The following CADM2 variants were observed in gnomAD, a reference collection of about 807,000 sequenced individuals.
CADM2 encodes the protein cell adhesion molecule 2.
In CADM2, 12 loss-of-function variants were observed where a neutral mutation model predicts 49.8. The ratio of observed to expected loss-of-function variants is 0.24; its 90% CI spans 0.15 to 0.39. The LOEUF (loss-of-function observed/expected upper bound fraction) is 0.39, where lower values mean the gene tolerates loss of function less well. Ranked by LOEUF, CADM2 falls within the 10% of genes least tolerant of loss-of-function variation. The probability of loss-of-function intolerance (pLI) is 1.00; values close to 1 mark genes in which losing one functional copy is unlikely to be tolerated. For synonymous variants in CADM2, 214 were observed against 175.4 expected, an observed-to-expected ratio of 1.22 and a Z score of -1.74; for missense variants, 378 against 492.3, an observed-to-expected ratio of 0.77 and a Z score of 2.20.
At chr3:85,095,316 C>A (rs911634955) in intron 1 of CADM2, among the ~76,000 whole-genome samples, 3 of 152,082 alleles carry the variant, frequency 2.0e-5, no homozygotes, top group African/African-American at 7.2e-5. Flanking sequence ...TGGGACTTCT[C>A]AAGTATGTAT....
rs553352369 is a variant in CADM2, at chr3:85,622,130, T to C, written c.62-104392T>C. Among the ~76,000 whole-genome samples, 7 of 152,338 alleles carry C rather than the reference T, an allele frequency of 4.6e-5. No individual in the cohort carries two copies. The South Asian group carries it at 1.4e-3, about 32-fold the overall frequency. ...TTACATATGGATGGAAACTATAGAT[T>C]CTTACAAATACATTGTACAGATAGA... On this transcript the variant is annotated intron_variant, in intron 1 of 9. Transcript: ENST00000383699.
At chr3:85,065,376 T>A (rs1338077299) in intron 1 of CADM2, among the ~76,000 whole-genome samples, 1 of 152,088 alleles carries the variant, frequency 6.6e-6, no homozygotes, top group Non-Finnish European at 1.5e-5. Context: ...AATTACCACT[T>A]GATAATTTAG....
intron 1 of CADM2, among the ~76,000 whole-genome samples, chr3:85,139,462 G>T (rs1412415542): frequency 6.6e-6 from 1 of 151,910 alleles, no homozygotes; most frequent in African/African-American, 2.4e-5. Context: ...GCATTATCTA[G>T]TTGGCTATGC....
chr3:85,148,214 C>T (rs138734857), intron 1 of CADM2, among the ~76,000 whole-genome samples: 140 of 152,184 alleles, frequency 9.2e-4, no homozygotes, highest in Admixed American at 3.1e-3. Flanking sequence ...GCAGCTGAGC[C>T]CTCTCCAAAT....
At chr3:85,713,207 C>T (rs1484870349) in intron 1 of CADM2, among the ~76,000 whole-genome samples, 3 of 152,168 alleles carry the variant, frequency 2.0e-5, no homozygotes, top group Non-Finnish European at 2.9e-5. Context: ...AAGCCATTCT[C>T]CTGCCTCAGC....
rs951115352 is a variant in CADM2 at position 85,541,798 on chromosome 3, T to C, written c.62-184724T>C. Among the ~76,000 whole-genome samples the C allele has an allele frequency of 4.2e-5, 6 of 143,878 alleles. 1 individual carries two copies. In the East Asian group the frequency reaches 8.0e-4, roughly 19 times the overall value. The allele number at this position is 143,878 out of a possible 152,430, so 94.4% of individuals were successfully genotyped here. On this transcript the variant is annotated intron_variant, in intron 1 of 9. Coordinates refer to ENST00000383699, the MANE Select transcript of CADM2 (RefSeq NM_001167675.2). ...TTTTATATATATATATATATATGTA[T>C]AGTGTTTATGTCAGAGACTGGCACA...
intron 1 of CADM2, among the ~76,000 whole-genome samples, chr3:85,692,381 G>C (rs774249230): frequency 6.6e-6 from 1 of 152,122 alleles, no homozygotes; most frequent in Non-Finnish European, 1.5e-5. Flanking sequence ...GAATATTTGC[G>C]TCGCAAGTTT....
intron 3 of CADM2, among the ~76,000 whole-genome samples, chr3:85,877,685 T>TTTA (rs1491201237): frequency 1.3e-4 from 2 of 15,702 alleles, no homozygotes; most frequent in African/African-American, 9.5e-4. Flanking sequence ...TTTTCTTCTG[T>TTTA]TTTTTTTTTT....
Position 86,030,112 on chromosome 3 carries a change from C to T in CADM2, c.971-35493C>T, listed in dbSNP as rs1734379265. On this transcript the variant is annotated intron_variant, in intron 8 of 9. Transcript: ENST00000383699. Reference sequence around the variant, plus strand: ...TTAATGAATGAAGCTTGAAAAAGACCACTTGAATAGAAAACTCCTGAAGAC... The same window carrying T: ...TTAATGAATGAAGCTTGAAAAAGACTACTTGAATAGAAAACTCCTGAAGAC... Among the ~76,000 whole-genome samples the T allele has an allele frequency of 2.6e-5, 4 of 151,666 alleles. No homozygotes were observed. In the South Asian group the frequency reaches 8.3e-4, roughly 31 times the overall value.
At chr3:85,429,252 CA>C (rs944172120) in intron 1 of CADM2, among the ~76,000 whole-genome samples, 4 of 151,960 alleles carry the variant, frequency 2.6e-5, no homozygotes, top group Non-Finnish European at 5.9e-5. Context: ...TCATTTATAT[CA>C]ATATCGCTTT....
intron 1 of CADM2, among the ~76,000 whole-genome samples, chr3:85,261,032 T>G (rs181538949): frequency 6.6e-6 from 1 of 152,282 alleles, no homozygotes; most frequent in East Asian, 1.9e-4. Context: ...ATGTGTCTTA[T>G]TTTTTTGCTT....
At chr3:85,619,408 T>A (rs1559947031) in intron 1 of CADM2, among the ~76,000 whole-genome samples, 1 of 151,648 alleles carries the variant, frequency 6.6e-6, no homozygotes, top group East Asian at 1.9e-4. Flanking sequence ...GGAAAAAAAA[T>A]AATTATTTCT....
chr3:85,675,237 C>T (rs1179481310), intron 1 of CADM2, among the ~76,000 whole-genome samples: 3 of 151,954 alleles, frequency 2.0e-5, no homozygotes, highest in Non-Finnish European at 4.4e-5. Flanking sequence ...CTGAAGGCTC[C>T]AAGTTTCCAT....
chr3:85,472,302 A>C (rs761356732), intron 1 of CADM2, among the ~76,000 whole-genome samples: 39 of 151,970 alleles, frequency 2.6e-4, no homozygotes, highest in Non-Finnish European at 5.0e-4. Context: ...ATTTCAAATA[A>C]AAATATTTGA....
intron 1 of CADM2, among the ~76,000 whole-genome samples, chr3:85,229,656 T>C (rs1395912907): frequency 2.0e-5 from 3 of 152,182 alleles, no homozygotes; most frequent in South Asian, 4.1e-4. Flanking sequence ...TTTGAGAGTA[T>C]TGTCTTTGGC....
chr3:85,368,606 C>T (rs546310814), intron 1 of CADM2, among the ~76,000 whole-genome samples: 27 of 150,950 alleles, frequency 1.8e-4, no homozygotes, highest in African/African-American at 6.3e-4. Context: ...CAATGTAAAA[C>T]CTAGATTTAT....
intron 1 of CADM2, among the ~76,000 whole-genome samples, chr3:85,710,400 T>A (rs962901680): frequency 6.6e-6 from 1 of 152,154 alleles, no homozygotes; most frequent in Non-Finnish European, 1.5e-5. Flanking sequence ...GGGACTTGTA[T>A]CATTTACGCT....
At chr3:85,137,358 C>T (rs1009762829) in intron 1 of CADM2, among the ~76,000 whole-genome samples, 45 of 151,558 alleles carry the variant, frequency 3.0e-4, no homozygotes, top group African/African-American at 1.0e-3. Flanking sequence ...TTTGCAGGTC[C>T]GTGGTGGTTT....
intron 1 of CADM2, among the ~76,000 whole-genome samples, chr3:85,143,990 T>C (rs945418437): frequency 6.6e-6 from 1 of 152,180 alleles, no homozygotes; most frequent in Non-Finnish European, 1.5e-5. Context: ...TCAAGTCACA[T>C]TGGCCTCTTT....
Sources: allele counts gnomAD v4.1 joint callset (sites outside exome capture counted in the v4.1 genomes callset), GRCh38; gene constraint gnomAD v4.1.1; transcripts MANE v1.5; gene names NCBI Gene and HGNC (gene_info 2026-07-23, HGNC 2026-07-21).